Variants in MARCHF1 observed in about 807,000 individuals in gnomAD.
MARCHF1 encodes E3 ubiquitin-protein ligase MARCHF1.
MARCHF1 carries 40 observed loss-of-function variants against 54.2 expected under a neutral mutation model. That is an observed-to-expected ratio of 0.74 (90% confidence interval 0.57 to 0.96). The LOEUF (loss-of-function observed/expected upper bound fraction) is 0.96, where lower values mean the gene tolerates loss of function less well. Ranked by LOEUF, MARCHF1 falls within the 40% of genes least tolerant of loss-of-function variation. The pLI is 0.00. For synonymous variants in MARCHF1, 236 were observed against 236.3 expected, an observed-to-expected ratio of 1.00 and a Z score of 0.01; for missense variants, 586 against 656.5, an observed-to-expected ratio of 0.89 and a Z score of 1.17.
At chr4:163,606,317 C>G (rs1741140494) in intron 7 of MARCHF1, among the ~76,000 whole-genome samples, 2 of 152,104 alleles carry the variant, frequency 1.3e-5, no homozygotes, top group African/African-American at 4.8e-5. Context: ...GATTCGGAAG[C>G]TGTCCCAAAA....
At chr4:164,187,076 C>A (rs1387943258) in intron 1 of MARCHF1, among the ~76,000 whole-genome samples, 1 of 151,832 alleles carries the variant, frequency 6.6e-6, no homozygotes. Flanking sequence ...CTTGCTCAAC[C>A]CTCAACATCT....
At chr4:163,652,570 C>A (rs1473198370) in intron 5 of MARCHF1, among the ~76,000 whole-genome samples, 1 of 151,788 alleles carries the variant, frequency 6.6e-6, no homozygotes, top group African/African-American at 2.4e-5. Context: ...TTTCCCCTAT[C>A]TAAAAGTCCC....
chr4:164,176,940 C>T (rs1258638343), intron 1 of MARCHF1, among the ~76,000 whole-genome samples: 3 of 43,288 alleles, frequency 6.9e-5, no homozygotes, highest in African/African-American at 1.8e-4. Context: ...GTACCTTGTG[C>T]GCTCTCTCTC....
chr4:163,528,675 A>T lies in MARCHF1; in HGVS notation c.*73T>A, dbSNP rs906977553. The T allele has an allele frequency of 6.3e-6, 9 of 1,433,880 alleles. No individual in the cohort carries two copies. The highest frequency in any genetic ancestry group is 2.7e-5 in the South Asian group (2 of 73,940). The allele number at this position is 1,433,880 out of a possible 1,614,324, so 88.8% of individuals were successfully genotyped here. A position where few individuals can be genotyped will look rare whatever the true frequency, so the allele number is the denominator to read the frequency against. The stretch of plus-strand genomic sequence containing the variant: ...AGCTGAAGGGAGTAAATAATTCAAG[A>T]TCACTTCTGTCATTTGTAGTGGCTG... On this transcript the variant is annotated 3_prime_UTR_variant, in exon 10 of 10. Coordinates refer to ENST00000514618, the MANE Select transcript of MARCHF1 (RefSeq NM_001394959.1).
intron 1 of MARCHF1, among the ~76,000 whole-genome samples, chr4:164,378,612 G>A (rs545093308): frequency 3.3e-5 from 5 of 152,210 alleles, no homozygotes; most frequent in African/African-American, 1.2e-4. Context: ...TCAGTCACTG[G>A]GTGGATTACA....
intron 4 of MARCHF1, among the ~76,000 whole-genome samples, chr4:163,762,745 A>G (rs1746863226): frequency 6.6e-6 from 1 of 152,094 alleles, no homozygotes; most frequent in South Asian, 2.1e-4. Flanking sequence ...AAATCTTGGT[A>G]CACTGTTTGA....
chr4:164,357,620 T>C (rs1394010506), intron 1 of MARCHF1, among the ~76,000 whole-genome samples: 4 of 152,092 alleles, frequency 2.6e-5, no homozygotes, highest in African/African-American at 9.7e-5. Context: ...TTTTGAAAAA[T>C]TGTAATGCAA....
chr4:164,082,677 C>CA (rs60378434), intron 2 of MARCHF1, among the ~76,000 whole-genome samples: 17 of 151,558 alleles, frequency 1.1e-4, no homozygotes, highest in South Asian at 4.2e-4. Flanking sequence ...AGAGAAATGG[C>CA]AAAAAAAAGT....
intron 5 of MARCHF1, among the ~76,000 whole-genome samples, chr4:163,652,185 C>T (rs969517684): frequency 2.0e-5 from 3 of 151,856 alleles, no homozygotes; most frequent in Admixed American, 6.6e-5. Flanking sequence ...AAGTTGCTCC[C>T]ATAATATTCT....
chr4:163,920,475 C>T (rs1751403706), intron 3 of MARCHF1, among the ~76,000 whole-genome samples: 1 of 152,156 alleles, frequency 6.6e-6, no homozygotes, highest in South Asian at 2.1e-4. Flanking sequence ...CTAAAGCCTG[C>T]TTTACTTTGC....
chr4:164,377,494 C>T (rs78099147), intron 1 of MARCHF1, among the ~76,000 whole-genome samples: 1 of 152,096 alleles, frequency 6.6e-6, no homozygotes, highest in African/African-American at 2.4e-5. Flanking sequence ...CCAGACTTCA[C>T]ACATTTTTCA....
chr4:163,871,622 G>A lies in MARCHF1; in HGVS notation c.-38-17453C>T, dbSNP rs571479258. 5.3e-5 allele frequency among the ~76,000 whole-genome samples: 8 copies of A among 152,008 alleles called. No individual in the cohort carries two copies. The South Asian group carries it at 6.2e-4, about 12-fold the overall frequency. ...CCTAAAATCTTAAAATAAATACATC[G>A]CATTTTATTATGTTAAAATATATGT... On this transcript the variant is annotated intron_variant, in intron 3 of 9. Coordinates refer to ENST00000514618, the MANE Select transcript of MARCHF1 (RefSeq NM_001394959.1).
At chr4:164,008,888 C>A (rs1295832226) in intron 2 of MARCHF1, among the ~76,000 whole-genome samples, 7 of 151,462 alleles carry the variant, frequency 4.6e-5, no homozygotes. Context: ...TGAAAGACTT[C>A]AAATAAACAA....
intron 3 of MARCHF1, among the ~76,000 whole-genome samples, chr4:163,928,867 CTT>C (rs1384231974): frequency 2.6e-5 from 4 of 151,666 alleles, no homozygotes; most frequent in Non-Finnish European, 5.9e-5. Flanking sequence ...CTTAATATAA[CTT>C]TTGAAATCTC....
intron 4 of MARCHF1, among the ~76,000 whole-genome samples, chr4:163,741,093 T>A (rs1040116475): frequency 6.6e-6 from 1 of 152,142 alleles, no homozygotes; most frequent in Non-Finnish European, 1.5e-5. Context: ...GCTTTTGGGG[T>A]CAGAAAACTG....
chr4:163,992,671 G>A (rs1449209314), intron 2 of MARCHF1, among the ~76,000 whole-genome samples: 2 of 151,052 alleles, frequency 1.3e-5, no homozygotes, highest in African/African-American at 4.9e-5. Context: ...CACTTGAAAG[G>A]AGAGAGGAAG....
intron 3 of MARCHF1, among the ~76,000 whole-genome samples, chr4:163,962,573 A>G (rs985582472): frequency 2.4e-4 from 36 of 152,048 alleles, no homozygotes; most frequent in African/African-American, 8.7e-4. Context: ...GTGTACTACA[A>G]CTGTGAAGGA....
chr4:164,012,759 C>T (rs1753451293), intron 2 of MARCHF1, among the ~76,000 whole-genome samples: 1 of 152,094 alleles, frequency 6.6e-6, no homozygotes, highest in South Asian at 2.1e-4. Flanking sequence ...GGAATTCTCC[C>T]TTATCTTACC....
At chr4:164,226,037 A>G (rs975623250) in intron 1 of MARCHF1, among the ~76,000 whole-genome samples, 6 of 152,070 alleles carry the variant, frequency 3.9e-5, no homozygotes, top group African/African-American at 1.2e-4. Context: ...AGAATTTTAC[A>G]CAATCAACTC....
Sources: gnomAD v4.1 joint callset for allele counts (sites outside exome capture counted in the v4.1 genomes callset) on GRCh38, gnomAD v4.1.1 for gene constraint, MANE v1.5 for transcripts, NCBI Gene and HGNC (gene_info 2026-07-23, HGNC 2026-07-21) for gene names.